The following NR6A1 variants were observed in gnomAD, a reference collection of about 807,000 sequenced individuals.
The protein encoded by NR6A1 is retinoic acid receptor-related testis-associated receptor.
In NR6A1, 7 loss-of-function variants were observed where a neutral mutation model predicts 59.1. The ratio of observed to expected loss-of-function variants is 0.12; its 90% confidence interval spans 0.07 to 0.22. NR6A1 has a LOEUF of 0.22. Among genes scored for constraint, NR6A1 ranks in the 10% least tolerant of loss-of-function variants. The pLI is 1.00. For missense variants in NR6A1, 468 were observed against 611.6 expected, an observed-to-expected ratio of 0.77 and a Z score of 2.48; for synonymous variants, 243 against 236.1, an observed-to-expected ratio of 1.03 and a Z score of -0.27.
intron 6 of NR6A1, among the ~76,000 whole-genome samples, chr9:124,537,526 G>A (rs906627368): frequency 6.6e-6 from 1 of 152,142 alleles, no homozygotes; most frequent in African/African-American, 2.4e-5. Context: ...CACTCAAATC[G>A]TTTATGCTCT....
intron 2 of NR6A1, among the ~76,000 whole-genome samples, chr9:124,616,559 T>C (rs1835900619): frequency 6.6e-6 from 1 of 152,086 alleles, no homozygotes. Context: ...GATCTGCATC[T>C]ATATAAAGGT....
chr9:124,716,663 G>A (rs959603283), intron 2 of NR6A1, among the ~76,000 whole-genome samples: 2 of 152,076 alleles, frequency 1.3e-5, no homozygotes, highest in East Asian at 3.8e-4. Flanking sequence ...ACCAAGTCCC[G>A]TTCTGTCATC....
rs1313220660 is a variant in NR6A1, at chr9:124,518,487, C to T, written c.*4218G>A. 1 of 152,054 alleles carries T rather than the reference C, an allele frequency of 6.6e-6. No homozygotes were observed. Among genetic ancestry groups the T allele is most frequent in the Non-Finnish European group, 1.5e-5 (1 of 68,020 alleles). 9.4% of individuals were successfully genotyped at this position (152,054 alleles called of 1,614,324 possible). On this transcript the variant is annotated 3_prime_UTR_variant, in exon 10 of 10. Transcript: ENST00000487099. ...TTTCTGGGGATCCTGTAATTAAATACACATCCCTGAGCTGTGGCCCCAGAA... is the reference window on the plus strand; with the variant it reads ...TTTCTGGGGATCCTGTAATTAAATATACATCCCTGAGCTGTGGCCCCAGAA...
intron 2 of NR6A1, among the ~76,000 whole-genome samples, chr9:124,617,248 T>G (rs998161651): frequency 3.3e-5 from 5 of 152,218 alleles, no homozygotes; most frequent in African/African-American, 1.2e-4. Flanking sequence ...TCACTCCAGC[T>G]TTGAGAGCCA....
At chr9:124,688,867 T>A (rs1838428118) in intron 2 of NR6A1, among the ~76,000 whole-genome samples, 2 of 152,228 alleles carry the variant, frequency 1.3e-5, no homozygotes, top group African/African-American at 2.4e-5. Context: ...AATATTATCA[T>A]CTAATTTAAT....
chr9:124,642,882 A>C (rs540143836), intron 2 of NR6A1, among the ~76,000 whole-genome samples: 1 of 152,162 alleles, frequency 6.6e-6, no homozygotes, highest in Non-Finnish European at 1.5e-5. Flanking sequence ...GAAATAAGAA[A>C]GATAAGAAAG....
intron 1 of NR6A1, among the ~76,000 whole-genome samples, chr9:124,762,149 T>G (rs891732048): frequency 1.3e-5 from 2 of 152,220 alleles, no homozygotes; most frequent in Non-Finnish European, 2.9e-5. Context: ...TATGCCTGAG[T>G]GTTCTTCAGG....
intron 4 of NR6A1, among the ~76,000 whole-genome samples, chr9:124,541,822 T>C (rs554968644): frequency 2.0e-5 from 3 of 152,282 alleles, no homozygotes; most frequent in African/African-American, 7.2e-5. Flanking sequence ...AAATGTGATA[T>C]ATACATAAAA....
At chr9:124,590,162 C>T (rs940418135) in intron 2 of NR6A1, among the ~76,000 whole-genome samples, 1 of 150,214 alleles carries the variant, frequency 6.7e-6, no homozygotes, top group Non-Finnish European at 1.5e-5. Flanking sequence ...AAACATTTCG[C>T]TAATGGTAAA....
At chr9:124,662,386 T>A (rs181474034) in intron 2 of NR6A1, among the ~76,000 whole-genome samples, 1 of 152,308 alleles carries the variant, frequency 6.6e-6, no homozygotes, top group East Asian at 1.9e-4. Flanking sequence ...CTAGATGATA[T>A]TAGGCAAATT....
chr9:124,686,777 G>T (rs889265058), intron 2 of NR6A1, among the ~76,000 whole-genome samples: 1 of 150,012 alleles, frequency 6.7e-6, no homozygotes, highest in African/African-American at 2.5e-5. Flanking sequence ...AAACACGGCT[G>T]ACTGCAGCCT....
At chr9:124,611,741 C>T (rs568616058) in intron 2 of NR6A1, among the ~76,000 whole-genome samples, 1 of 54,320 alleles carries the variant, frequency 1.8e-5, no homozygotes, top group South Asian at 5.9e-4. Context: ...CAGAGTGAGA[C>T]CCTGTCTTAG....
intron 2 of NR6A1, among the ~76,000 whole-genome samples, chr9:124,680,954 A>G (rs1208662659): frequency 6.6e-6 from 1 of 152,240 alleles, no homozygotes; most frequent in African/African-American, 2.4e-5. Flanking sequence ...TAGTCACTGT[A>G]TTTGTCACTG....
intron 4 of NR6A1, among the ~76,000 whole-genome samples, chr9:124,543,213 A>G (rs373056624): frequency 1.3e-5 from 2 of 152,044 alleles, no homozygotes; most frequent in Non-Finnish European, 2.9e-5. Context: ...CTAGTCCCCA[A>G]CCACGGCTCT....
At chr9:124,631,862 T>C (rs1836453003) in intron 2 of NR6A1, among the ~76,000 whole-genome samples, 1 of 152,166 alleles carries the variant, frequency 6.6e-6, no homozygotes, top group Non-Finnish European at 1.5e-5. Flanking sequence ...TGTTCCCCTC[T>C]ATGTGGCCGT....
At chr9:124,597,848 TA>T (rs1200147713) in intron 2 of NR6A1, among the ~76,000 whole-genome samples, 3 of 152,122 alleles carry the variant, frequency 2.0e-5, no homozygotes, top group Non-Finnish European at 4.4e-5. Context: ...AAATCTTATT[TA>T]TTTTTTTATT....
intron 2 of NR6A1, among the ~76,000 whole-genome samples, chr9:124,621,499 G>T (rs985222385): frequency 2.9e-5 from 4 of 137,772 alleles, no homozygotes; most frequent in Non-Finnish European, 4.7e-5. Context: ...AAAAAAAAAA[G>T]AATGAGTGGG....
At chr9:124,623,513 C>A (rs1836140519) in intron 2 of NR6A1, among the ~76,000 whole-genome samples, 1 of 150,410 alleles carries the variant, frequency 6.6e-6, no homozygotes, top group South Asian at 2.1e-4. Context: ...GCATGAGCTA[C>A]CATGCCTGGC....
intron 2 of NR6A1, among the ~76,000 whole-genome samples, chr9:124,588,115 C>T (rs1588689910): frequency 6.6e-6 from 1 of 152,228 alleles, no homozygotes; most frequent in African/African-American, 2.4e-5. Context: ...ACTAATAAAT[C>T]GAGTCTAAGT....
Sources: gnomAD v4.1 joint callset for allele counts (sites outside exome capture counted in the v4.1 genomes callset) on GRCh38, gnomAD v4.1.1 for gene constraint, MANE v1.5 for transcripts, NCBI Gene and HGNC (gene_info 2026-07-23, HGNC 2026-07-21) for gene names.